The following VPS13B variants were observed in gnomAD, a reference collection of about 807,000 sequenced individuals.
VPS13B encodes the protein intermembrane lipid transfer protein VPS13B.
VPS13B carries 285 observed loss-of-function variants against 426.4 expected under a neutral mutation model. That is an observed-to-expected ratio of 0.67 (90% CI 0.61 to 0.74). VPS13B has a LOEUF of 0.74. Among genes scored for constraint, VPS13B ranks in the 30% least tolerant of loss-of-function variants. VPS13B has a pLI of 0.00. For missense variants in VPS13B, 4,537 were observed against 4,782.6 expected (o/e 0.95, Z 1.51); for synonymous variants, 1,676 against 1,676.4 (o/e 1.00, Z 0.01).
intron 33 of VPS13B, among the ~76,000 whole-genome samples, chr8:99,582,658 T>C (rs576516360): frequency 1.3e-5 from 2 of 151,780 alleles, no homozygotes; most frequent in African/African-American, 4.8e-5. Flanking sequence ...TTCTTTTTTT[T>C]CTTTTTTCTT....
intron 19 of VPS13B, among the ~76,000 whole-genome samples, chr8:99,312,894 T>C (rs570199900): frequency 3.5e-4 from 54 of 152,364 alleles, no homozygotes; most frequent in African/African-American, 1.1e-3. Flanking sequence ...TGTAAACTTC[T>C]CTTCTCGCTT....
At chr8:99,696,755 A>T in intron 35 of VPS13B, 1 of 1,292,358 alleles carries the variant, frequency 7.7e-7, no homozygotes, top group South Asian at 1.2e-5. Flanking sequence ...GGAGAGACCC[A>T]GCAATGAGGA....
chr8:99,784,356 T>C lies in VPS13B; in HGVS notation c.7821T>C (p.Phe2607=), dbSNP rs1229910112. The C allele has an allele frequency of 6.2e-7, 1 of 1,613,780 alleles. No homozygotes were observed. The highest frequency in any genetic ancestry group is 8.5e-7 in the Non-Finnish European group (1 of 1,179,706). Residue 2607 remains phenylalanine (F), a synonymous_variant, in exon 43 of 62, where the codon TTT becomes TTC. Transcript: ENST00000357162. ...TAGAGGAGTTGGTCTTCAGCCATTT[T>C]GTGATCTGTAATGACACACAGGAGA... ...PEVEELVFSH[F]VICNDTQETL...
At chr8:99,049,103 T>C (rs921982528) in intron 3 of VPS13B, among the ~76,000 whole-genome samples, 1 of 152,196 alleles carries the variant, frequency 6.6e-6, no homozygotes, top group Non-Finnish European at 1.5e-5. Context: ...GTGAATTCTA[T>C]CCATTCTGCA....
chr8:99,830,334 G>A (rs1017039425), intron 51 of VPS13B, among the ~76,000 whole-genome samples: 2 of 152,178 alleles, frequency 1.3e-5, no homozygotes, highest in Non-Finnish European at 2.9e-5. Context: ...TCTGGCTACA[G>A]CGGCTTTGCG....
intron 33 of VPS13B, among the ~76,000 whole-genome samples, chr8:99,580,636 G>A (rs1826004090): frequency 6.6e-6 from 1 of 151,976 alleles, no homozygotes; most frequent in African/African-American, 2.4e-5. Flanking sequence ...GATTGCTTGA[G>A]CCCAGGAGTT....
intron 51 of VPS13B, among the ~76,000 whole-genome samples, chr8:99,830,692 G>A (rs894145928): frequency 2.5e-4 from 38 of 152,230 alleles, no homozygotes; most frequent in Middle Eastern, 3.4e-3. Context: ...CCAAATGGCC[G>A]CCTGGTTTTG....
At chr8:99,455,469 G>A (rs1036145698) in intron 23 of VPS13B, among the ~76,000 whole-genome samples, 5 of 152,088 alleles carry the variant, frequency 3.3e-5, no homozygotes. Context: ...GAGAGGGAGG[G>A]TTGGGGAGGT....
At chr8:99,504,855 A>G (rs1023152311) in intron 27 of VPS13B, among the ~76,000 whole-genome samples, 5 of 152,284 alleles carry the variant, frequency 3.3e-5, no homozygotes, top group Admixed American at 2.6e-4. Flanking sequence ...CTCTCTAGCT[A>G]TCAGTCTGAG....
At chr8:99,485,374 A>T (rs920421661) in intron 25 of VPS13B, among the ~76,000 whole-genome samples, 2 of 152,220 alleles carry the variant, frequency 1.3e-5, no homozygotes, top group African/African-American at 2.4e-5. Flanking sequence ...GCAATAAAAA[A>T]TATTAAGAAC....
chr8:99,339,440 A>T (rs1033880939), intron 19 of VPS13B, among the ~76,000 whole-genome samples: 2 of 152,134 alleles, frequency 1.3e-5, no homozygotes, highest in Non-Finnish European at 2.9e-5. Flanking sequence ...ACCAGATCTC[A>T]TGAGAACTCA....
At chr8:99,014,759 A>T (rs1841529192) in intron 2 of VPS13B, among the ~76,000 whole-genome samples, 1 of 151,688 alleles carries the variant, frequency 6.6e-6, no homozygotes, top group South Asian at 2.1e-4. Context: ...CGGCATCCTC[A>T]GAGTGTTGAG....
At chr8:99,484,187 C>A (rs1018756172) in intron 25 of VPS13B, among the ~76,000 whole-genome samples, 4 of 151,976 alleles carry the variant, frequency 2.6e-5, no homozygotes, top group African/African-American at 9.7e-5. Context: ...GAAAATTTTG[C>A]TAAATTGCTT....
intron 3 of VPS13B, among the ~76,000 whole-genome samples, chr8:99,070,218 G>A (rs1057396770): frequency 6.6e-6 from 1 of 152,108 alleles, no homozygotes; most frequent in African/African-American, 2.4e-5. Context: ...CTGGCCCCAT[G>A]AAATTTTTTT....
chr8:99,249,645 G>A (rs1026166310), intron 17 of VPS13B, among the ~76,000 whole-genome samples: 1 of 152,006 alleles, frequency 6.6e-6, no homozygotes, highest in African/African-American at 2.4e-5. Context: ...GGATGGTCTC[G>A]ATCTCCTGAC....
chr8:99,763,003 T>C (rs1005063186), intron 39 of VPS13B, among the ~76,000 whole-genome samples: 1 of 151,064 alleles, frequency 6.6e-6, no homozygotes, highest in East Asian at 1.9e-4. Flanking sequence ...TCAGGCATGG[T>C]GGCACGTGCC....
At chr8:99,363,548 G>A (rs867692001) in intron 19 of VPS13B, among the ~76,000 whole-genome samples, 66 of 152,248 alleles carry the variant, frequency 4.3e-4, no homozygotes, top group Admixed American at 5.2e-4. Flanking sequence ...TGAATATGTA[G>A]ATTGCTCTGG....
intron 43 of VPS13B, among the ~76,000 whole-genome samples, chr8:99,786,575 G>A (rs779886285): frequency 6.6e-6 from 1 of 152,110 alleles, no homozygotes; most frequent in African/African-American, 2.4e-5. Context: ...CCCTTGCAAA[G>A]TCTTAACTGT....
chr8:99,804,949 AT>A (rs912372378), intron 43 of VPS13B, among the ~76,000 whole-genome samples: 4 of 152,100 alleles, frequency 2.6e-5, no homozygotes, highest in Non-Finnish European at 5.9e-5. Context: ...GCAGTGAGCT[AT>A]GATGACACCA....
Sources: allele counts gnomAD v4.1 joint callset (sites outside exome capture counted in the v4.1 genomes callset), GRCh38; gene constraint gnomAD v4.1.1; transcripts MANE v1.5; gene names NCBI Gene and HGNC (gene_info 2026-07-23, HGNC 2026-07-21).